The following SCFD1 variants were observed in gnomAD, a reference collection of about 807,000 sequenced individuals.
SCFD1 encodes the protein sec1 family domain containing 1.
In SCFD1, 37 loss-of-function variants were observed where a neutral mutation model predicts 103.2. The ratio of observed to expected loss-of-function variants is 0.36; its 90% confidence interval spans 0.28 to 0.47. The LOEUF (loss-of-function observed/expected upper bound fraction) is 0.47. Ranked by LOEUF, SCFD1 falls within the 20% of genes least tolerant of loss-of-function variation. The probability of loss-of-function intolerance (pLI) is 1.00; values close to 1 mark genes in which losing one functional copy is unlikely to be tolerated. For synonymous variants in SCFD1, 264 were observed against 245.0 expected, an observed-to-expected ratio of 1.08 and a Z score of -0.73; for missense variants, 639 against 761.2, an observed-to-expected ratio of 0.84 and a Z score of 1.89.
intron 18 of SCFD1, among the ~76,000 whole-genome samples, chr14:30,707,382 T>C (rs1891542533): frequency 6.6e-6 from 1 of 152,232 alleles, no homozygotes; most frequent in Non-Finnish European, 1.5e-5. Context: ...TTGTTTAAAA[T>C]GTAGACAACA....
chr14:30,733,010 CTTTTTTTTTT>C (rs544945622), intron 23 of SCFD1, among the ~76,000 whole-genome samples: 1 of 141,804 alleles, frequency 7.1e-6, no homozygotes, highest in African/African-American at 2.6e-5. Context: ...ATTTTTTTTT[CTTTTTTTTTT>C]TTTGAGACAG....
intron 19 of SCFD1, chr14:30,715,337 T>TG (rs1892201403): frequency 6.6e-6 from 1 of 152,058 alleles, no homozygotes; most frequent in Admixed American, 6.6e-5. Context: ...TCCCAGCAGT[T>TG]TGGGAAGCTG....
intron 10 of SCFD1, among the ~76,000 whole-genome samples, chr14:30,667,891 C>G (rs867092814): frequency 7.9e-5 from 12 of 152,028 alleles, no homozygotes; most frequent in East Asian, 1.9e-4. Flanking sequence ...CACTGCTCAA[C>G]GAAATAAAAG....
At chr14:30,720,601 C>T (rs1892588336) in intron 21 of SCFD1, among the ~76,000 whole-genome samples, 1 of 152,076 alleles carries the variant, frequency 6.6e-6, no homozygotes, top group African/African-American at 2.4e-5. Flanking sequence ...AGAGCATGTA[C>T]ACACTATTTT....
At chr14:30,647,366 T>C (rs1885943505) in intron 7 of SCFD1, among the ~76,000 whole-genome samples, 1 of 152,146 alleles carries the variant, frequency 6.6e-6, no homozygotes, top group Non-Finnish European at 1.5e-5. Flanking sequence ...AGGGATTTTT[T>C]TTTTCCCTTA....
chr14:30,710,070 T>A (rs1439068153), intron 19 of SCFD1, among the ~76,000 whole-genome samples: 2 of 152,164 alleles, frequency 1.3e-5, no homozygotes, highest in African/African-American at 4.8e-5. Flanking sequence ...ATGGTATATA[T>A]CCCCTATGAT....
At chr14:30,659,498 T>G (rs1887238723) in intron 10 of SCFD1, among the ~76,000 whole-genome samples, 2 of 152,154 alleles carry the variant, frequency 1.3e-5, no homozygotes, top group African/African-American at 4.8e-5. Flanking sequence ...CTTTACTACT[T>G]TTAGAGATTG....
At position 30,721,919 on chromosome 14, in the gene SCFD1, T is replaced by G; in HGVS notation, c.1770+2T>G. ...AGAAATAAAAATCCATTCCAAGAGG[T>G]AAGTTTCATATAAAAATTCTCTGTT... On this transcript the variant is annotated splice_donor_variant, in intron 22 of 24. Coordinates refer to ENST00000458591, the MANE Select transcript of SCFD1 (RefSeq NM_016106.4). LOFTEE classifies it high-confidence loss of function. 6.2e-7 allele frequency: 1 copy of G among 1,602,168 alleles called. No homozygotes were observed. Among genetic ancestry groups the G allele is most frequent in the Non-Finnish European group, 8.5e-7 (1 of 1,170,214 alleles).
At chr14:30,649,608 G>A in intron 8 of SCFD1, 25 bp downstream of exon 8, 1 of 1,533,860 alleles carries the variant, frequency 6.5e-7, no homozygotes, top group Non-Finnish European at 8.8e-7. Context: ...ATATCACGTG[G>A]AGATAAATAA....
At chr14:30,694,422 C>T (rs139230867) in intron 14 of SCFD1, among the ~76,000 whole-genome samples, 9 of 152,004 alleles carry the variant, frequency 5.9e-5, no homozygotes, top group South Asian at 4.2e-4. Flanking sequence ...CCTGTAATCC[C>T]GCACTTTGGG....
intron 1 of SCFD1, among the ~76,000 whole-genome samples, chr14:30,625,193 T>C (rs1310029857): frequency 6.6e-6 from 1 of 151,854 alleles, no homozygotes; most frequent in East Asian, 1.9e-4. Flanking sequence ...CTACAGTGCC[T>C]GTGGTGAGCA....
At chr14:30,691,256 T>G (rs994417970) in intron 14 of SCFD1, among the ~76,000 whole-genome samples, 4 of 152,230 alleles carry the variant, frequency 2.6e-5, no homozygotes, top group Non-Finnish European at 5.9e-5. Context: ...GCTCATAGTG[T>G]TATTTGGAGA....
intron 20 of SCFD1, among the ~76,000 whole-genome samples, chr14:30,716,443 T>A (rs1384501699): frequency 6.6e-6 from 1 of 152,180 alleles, no homozygotes; most frequent in African/African-American, 2.4e-5. Flanking sequence ...ATGAAATCAT[T>A]GGGTGAATAG....
chr14:30,731,636 T>G (rs1225068600), intron 23 of SCFD1, among the ~76,000 whole-genome samples: 3 of 152,236 alleles, frequency 2.0e-5, no homozygotes, highest in Admixed American at 6.5e-5. Context: ...AGTTCACTCA[T>G]GATTTGGCTC....
chr14:30,682,317 A>G (rs1889553996), intron 14 of SCFD1, among the ~76,000 whole-genome samples: 1 of 152,220 alleles, frequency 6.6e-6, no homozygotes, highest in Non-Finnish European at 1.5e-5. Context: ...CTAAGTCACT[A>G]TGGCACATGA....
chr14:30,734,756 A>C, intron 23 of SCFD1, 34 bp from the exon 24 acceptor site: 1 of 1,457,316 alleles, frequency 6.9e-7, no homozygotes, highest in Non-Finnish European at 9.6e-7. Flanking sequence ...ATTTCTTGTT[A>C]CTTGTATCTA....
chr14:30,637,476 G>T (rs1000123477), intron 4 of SCFD1, among the ~76,000 whole-genome samples: 1 of 151,938 alleles, frequency 6.6e-6, no homozygotes, highest in Non-Finnish European at 1.5e-5. Flanking sequence ...CTAAAATCAG[G>T]TGCATCTTAA....
chr14:30,710,864 G>C (rs7157286), intron 19 of SCFD1, among the ~76,000 whole-genome samples: 5,487 of 152,214 alleles, frequency 0.036, 154 homozygotes, highest in African/African-American at 0.061. Flanking sequence ...ATTTATGCCT[G>C]TTAAATCTCT....
chr14:30,637,500 A>G (rs1884845877), intron 4 of SCFD1, among the ~76,000 whole-genome samples: 1 of 152,132 alleles, frequency 6.6e-6, no homozygotes, highest in African/African-American at 2.4e-5. Flanking sequence ...TGATCATGCC[A>G]CAAAATTTTA....
Sources: gnomAD v4.1 joint callset for allele counts (sites outside exome capture counted in the v4.1 genomes callset) on GRCh38, gnomAD v4.1.1 for gene constraint, MANE v1.5 for transcripts, NCBI Gene and HGNC (gene_info 2026-07-23, HGNC 2026-07-21) for gene names.